MAN1C1: variants seen among roughly 807,000 people sequenced by gnomAD.
MAN1C1 encodes mannosyl-oligosaccharide 1,2-alpha-mannosidase IC.
MAN1C1 carries 49 observed loss-of-function variants against 71.5 expected under a neutral mutation model. The ratio of observed to expected loss-of-function variants is 0.69; its 90% CI spans 0.54 to 0.87. MAN1C1 has a LOEUF of 0.87. MAN1C1 is among the 40% of genes least tolerant of loss of function. MAN1C1 has a pLI of 0.00. For synonymous variants in MAN1C1, 352 were observed against 343.7 expected (o/e 1.02, Z -0.27); for missense variants, 743 against 835.0 (o/e 0.89, Z 1.36).
At chr1:25,620,746 T>C (rs2045194804) in intron 1 of MAN1C1, among the ~76,000 whole-genome samples, 1 of 152,090 alleles carries the variant, frequency 6.6e-6, no homozygotes, top group South Asian at 2.1e-4. Flanking sequence ...AAAGTAAATA[T>C]CAGGAGAGAG....
rs773526081 is a variant in MAN1C1, at chr1:25,782,631, AAGACGTGTACAGT to A, written c.1700_1712del (p.Asp567AlafsTer14). On this transcript the variant is annotated frameshift_variant, in exon 11 of 12. Coordinates refer to ENST00000374332, the MANE Select transcript of MAN1C1 (RefSeq NM_020379.4). LOFTEE classifies it high-confidence loss of function. The surrounding 1 kb of genome is among the most constrained non-coding windows in gnomAD (Gnocchi z 4.4). Reference sequence around the variant, plus strand: ...ACAGAAGCCGGTTTCTCTGGGATCCAAGACGTGTACAGTAGCACCCCCAACCACGACAACAAGC... The same window carrying A: ...ACAGAAGCCGGTTTCTCTGGGATCCAAGCACCCCCAACCACGACAACAAGC... 3.7e-6 allele frequency: 6 copies of A among 1,613,990 alleles called. No individual in the cohort carries two copies. Among genetic ancestry groups the A allele is most frequent in the Non-Finnish European group, 5.1e-6 (6 of 1,180,030 alleles).
In MAN1C1 at chr1:25,782,978, G is replaced by A. The variant is rs1289914095; in HGVS notation, c.1766+278G>A. ...TCGCTTATCTCCCCAGGTTGCTTCC[G>A]TTCTGGGAACCGCGTCCTCGTGTGT... On this transcript the variant is annotated intron_variant, in intron 11 of 11. Coordinates refer to ENST00000374332, the MANE Select transcript of MAN1C1 (RefSeq NM_020379.4). This position sits in a 1 kb window ranked among gnomAD's most constrained non-coding sequence, Gnocchi z 4.4. Among the ~76,000 whole-genome samples the A allele has an allele frequency of 6.6e-6, 1 of 152,192 alleles. No homozygotes were observed. Among genetic ancestry groups the A allele is most frequent in the African/African-American group, 2.4e-5 (1 of 41,430 alleles).
At chr1:25,691,368 G>T (rs2046306720) in intron 2 of MAN1C1, among the ~76,000 whole-genome samples, 1 of 152,158 alleles carries the variant, frequency 6.6e-6, no homozygotes, top group East Asian at 1.9e-4. Context: ...CAGATGGTTT[G>T]CATGTGCATG....
chr1:25,686,619 C>T, intron 2 of MAN1C1, 83 bp downstream of exon 2: 2 of 1,196,560 alleles, frequency 1.7e-6, no homozygotes, highest in Non-Finnish European at 2.5e-6. Context: ...TTTGGCTTTT[C>T]ACCTCCTGAG....
At chr1:25,665,145 C>T (rs1373757830) in intron 1 of MAN1C1, among the ~76,000 whole-genome samples, 2 of 152,100 alleles carry the variant, frequency 1.3e-5, no homozygotes, top group Admixed American at 1.3e-4. Flanking sequence ...ATTTGTGTTA[C>T]GATCTATTGT....
At chr1:25,768,566 CT>C (rs1214914666) in intron 7 of MAN1C1, among the ~76,000 whole-genome samples, 1 of 62,782 alleles carries the variant, frequency 1.6e-5, no homozygotes, top group Non-Finnish European at 4.1e-5. Flanking sequence ...ATTACATACA[CT>C]CCCCCCACAC....
chr1:25,784,052 G>T lies in MAN1C1; in HGVS notation c.*263G>T. Reference sequence around the variant, plus strand: ...GAAGCCCACTCACTTGCCATTCCAGGGCCAAAGGACCGGAGGTTTGCATAT... The same window carrying T: ...GAAGCCCACTCACTTGCCATTCCAGTGCCAAAGGACCGGAGGTTTGCATAT... On this transcript the variant is annotated 3_prime_UTR_variant, in exon 12 of 12. Transcript: ENST00000374332. The T allele has an allele frequency of 2.5e-6, 1 of 398,300 alleles. No individual in the cohort carries two copies. 24.7% of individuals were successfully genotyped at this position (398,300 alleles called of 1,614,324 possible). A position where few individuals can be genotyped will look rare whatever the true frequency, so the allele number is the denominator to read the frequency against.
At chr1:25,757,323 C>G (rs807257) in intron 5 of MAN1C1, among the ~76,000 whole-genome samples, 1 of 152,164 alleles carries the variant, frequency 6.6e-6, no homozygotes, top group Admixed American at 6.5e-5. Flanking sequence ...CAGAGCCAGT[C>G]GCTCAACCTG....
intron 2 of MAN1C1, among the ~76,000 whole-genome samples, chr1:25,745,651 C>G (rs554102488): frequency 6.6e-6 from 1 of 152,270 alleles, no homozygotes; most frequent in Admixed American, 6.5e-5. Flanking sequence ...CATAGTTCAC[C>G]CTCTATTAGC....
At position 25,782,998 on chromosome 1, in the gene MAN1C1, G is replaced by A. The variant is rs74060835; in HGVS notation, c.1766+298G>A. On this transcript the variant is annotated intron_variant, in intron 11 of 11. Coordinates refer to ENST00000374332, the MANE Select transcript of MAN1C1 (RefSeq NM_020379.4). The surrounding 1 kb of genome is among the most constrained non-coding windows in gnomAD (Gnocchi z 4.4). ...CTTCCGTTCTGGGAACCGCGTCCTCGTGTGTAAAATGGGATAGGGTTAACG... is the reference window on the plus strand; with the variant it reads ...CTTCCGTTCTGGGAACCGCGTCCTCATGTGTAAAATGGGATAGGGTTAACG... 0.034 allele frequency among the ~76,000 whole-genome samples: 5,168 copies of A among 152,262 alleles called. 310 individuals carry two copies. Among genetic ancestry groups the A allele is most frequent in the African/African-American group, 0.12 (4,777 of 41,512 alleles).
rs199906416 is a variant in MAN1C1 at position 25,783,804 on chromosome 1, G to A, written c.*15G>A. On this transcript the variant is annotated 3_prime_UTR_variant, in exon 12 of 12. Transcript: ENST00000374332. ...GCAGACACTGACCCCATCTCCTGCC[G>A]CCGCCCTGGGGCCGCCGCAGGGATG... The A allele has an allele frequency of 5.9e-5, 95 of 1,606,598 alleles. No homozygotes were observed. The highest frequency in any genetic ancestry group is 5.8e-4 in the East Asian group (26 of 44,840).
At chr1:25,664,458 C>T (rs2045893508) in intron 1 of MAN1C1, among the ~76,000 whole-genome samples, 1 of 152,174 alleles carries the variant, frequency 6.6e-6, no homozygotes, top group Non-Finnish European at 1.5e-5. Context: ...TGTATCCCCA[C>T]GTTGAACATT....
intron 6 of MAN1C1, chr1:25,759,144 C>G (rs1163925299): frequency 2.0e-5 from 4 of 196,712 alleles, no homozygotes; most frequent in Non-Finnish European, 4.3e-5. Context: ...TTCCCTGTGC[C>G]TGTTTAGCTC....
chr1:25,681,733 G>A (rs778150141), intron 1 of MAN1C1, among the ~76,000 whole-genome samples: 21 of 152,096 alleles, frequency 1.4e-4, no homozygotes, highest in African/African-American at 4.1e-4. Context: ...CAAAGTGGCC[G>A]CACCGTTTTC....
intron 2 of MAN1C1, among the ~76,000 whole-genome samples, chr1:25,738,557 C>CAACAGGGGACAGCTTGT (rs2047014502): frequency 6.6e-6 from 1 of 152,136 alleles, no homozygotes; most frequent in Admixed American, 6.5e-5. Context: ...AGAAAGGGCA[C>CAACAGGGGACAGCTTGT]AACAGGGGAC....
chr1:25,741,718 C>T lies in MAN1C1; in HGVS notation c.638-4950C>T, dbSNP rs573965747. 3.3e-5 allele frequency among the ~76,000 whole-genome samples: 5 copies of T among 152,192 alleles called. No homozygotes were observed. The East Asian group carries it at 7.7e-4, about 24-fold the overall frequency. On this transcript the variant is annotated intron_variant, in intron 2 of 11. Coordinates refer to ENST00000374332, the MANE Select transcript of MAN1C1 (RefSeq NM_020379.4). ...CTCTCACAGAAGAAGGGCTCTAAGC[C>T]GGACATCAGAGGGTGAGATTGCATG... is the stretch of plus-strand genomic sequence containing the variant.
chr1:25,660,396 CTTTTTTTTTT>C (rs1178878513), intron 1 of MAN1C1, among the ~76,000 whole-genome samples: 21 of 97,630 alleles, frequency 2.2e-4, no homozygotes, highest in African/African-American at 7.7e-4. Flanking sequence ...AGTGAAATTC[CTTTTTTTTTT>C]TTTTTTTTTT....
At chr1:25,694,590 C>T (rs1050973668) in intron 2 of MAN1C1, among the ~76,000 whole-genome samples, 7 of 152,238 alleles carry the variant, frequency 4.6e-5, no homozygotes, top group Admixed American at 6.5e-5. Flanking sequence ...AAATCCAGGC[C>T]CCAAGATGTC....
In MAN1C1 at chr1:25,730,281, A is replaced by G. The variant is rs1369560186; in HGVS notation, c.638-16387A>G. Among the ~76,000 whole-genome samples, 1 of 152,232 alleles carries G rather than the reference A, an allele frequency of 6.6e-6. No homozygotes were observed. Among genetic ancestry groups the G allele is most frequent in the Non-Finnish European group, 1.5e-5 (1 of 68,036 alleles). On this transcript the variant is annotated intron_variant, in intron 2 of 11. Coordinates refer to ENST00000374332, the MANE Select transcript of MAN1C1 (RefSeq NM_020379.4). This position sits in a 1 kb window ranked among gnomAD's most constrained non-coding sequence, Gnocchi z 4.3. ...CGTTTTAAAATGATCTCAGAGGCAG[A>G]GACTGGCCTTCTCCACGCATGATTA...
Sources: gnomAD v4.1 joint callset for allele counts (sites outside exome capture counted in the v4.1 genomes callset) on GRCh38, gnomAD v4.1.1 for gene constraint, Gnocchi (gnomAD v3.1) non-coding constraint, MANE v1.5 for transcripts, NCBI Gene and HGNC (gene_info 2026-07-23, HGNC 2026-07-21) for gene names.